The following XYLB variants were observed in gnomAD, a reference collection of about 807,000 sequenced individuals.
XYLB encodes the protein xylulokinase.
XYLB carries 62 observed loss-of-function variants against 78.7 expected under a neutral mutation model. The ratio of observed to expected loss-of-function variants is 0.79; its 90% confidence interval spans 0.64 to 0.97. The LOEUF (loss-of-function observed/expected upper bound fraction) is 0.97. Ranked by LOEUF, XYLB falls within the 50% of genes least tolerant of loss-of-function variation. XYLB has a pLI of 0.00. For synonymous variants in XYLB, 245 were observed against 247.4 expected (o/e 0.99, Z 0.09); for missense variants, 687 against 676.8 (o/e 1.02, Z -0.17).
chr3:38,375,259 G>C lies in XYLB; in HGVS notation c.1004G>C (p.Cys335Ser). The change falls in exon 12 of 19, where the codon TGC (cysteine) becomes TCC (serine). Residue 335 changes from cysteine (C) to serine (S), a missense_variant and splice_region_variant. By Grantham distance (112) the Cys-to-Ser change is moderately radical. Coordinates refer to ENST00000207870, the MANE Select transcript of XYLB (RefSeq NM_005108.4). ...TCCCAGCACTACATGGCACTCCTGT[G>C]GTGAGCTTGGGTGTTGGTTGGCACC... is the stretch of plus-strand genomic sequence containing the variant. Reference protein sequence around the residue: ...VDSQHYMALLCFKNGSLMREK... With the variant: ...VDSQHYMALLSFKNGSLMREK... The C allele has an allele frequency of 6.2e-7, 1 of 1,613,776 alleles. No individual in the cohort carries two copies. Among genetic ancestry groups the C allele is most frequent in the African/African-American group, 1.3e-5 (1 of 75,034 alleles).
chr3:38,410,742 A>G (rs1268013258), intron 18 of XYLB, among the ~76,000 whole-genome samples: 1 of 152,136 alleles, frequency 6.6e-6, no homozygotes, highest in Non-Finnish European at 1.5e-5. Flanking sequence ...ACACTTCTCA[A>G]AAGAAGACAT....
intron 9 of XYLB, among the ~76,000 whole-genome samples, chr3:38,372,154 G>A (rs759922312): frequency 4.6e-5 from 7 of 152,096 alleles, no homozygotes; most frequent in African/African-American, 9.7e-5. Context: ...TGCTCAGATA[G>A]CCCTCCCTGC....
intron 16 of XYLB, 122 bp from the exon 17 acceptor site, chr3:38,396,950 C>A: frequency 1.1e-6 from 1 of 940,302 alleles, no homozygotes; most frequent in Non-Finnish European, 1.7e-6. Flanking sequence ...TTAAGGCAGT[C>A]GAGGTGGAAT....
At chr3:38,438,490 G>GA in the XYLB span, among the ~76,000 whole-genome samples, 3 of 152,122 alleles carry the variant, frequency 2.0e-5, no homozygotes, top group African/African-American at 7.2e-5. Context: ...ATTGTTCACA[G>GA]AATTAGAAAA....
intron 7 of XYLB, 43 bp from the exon 8 acceptor site, chr3:38,368,142 T>G (rs756217958): frequency 1.3e-6 from 2 of 1,570,584 alleles, no homozygotes; most frequent in Non-Finnish European, 1.8e-6. Flanking sequence ...TAGCGTAGGG[T>G]ATGTGGAAGT....
At chr3:38,409,619 A>G (rs1430398451) in intron 18 of XYLB, among the ~76,000 whole-genome samples, 1 of 152,208 alleles carries the variant, frequency 6.6e-6, no homozygotes, top group Non-Finnish European at 1.5e-5. Flanking sequence ...AGATGACATG[A>G]TTGTATATCT....
In XYLB at chr3:38,412,846, C is replaced by A. The variant is rs565466108; in HGVS notation, c.1534-90C>A. 1.1e-5 allele frequency: 12 copies of A among 1,124,686 alleles called. No homozygotes were observed. In the African/African-American group the frequency reaches 1.8e-4, roughly 17 times the overall value. The allele number at this position is 1,124,686 out of a possible 1,614,324, so 69.7% of individuals were successfully genotyped here. The stretch of plus-strand genomic sequence containing the variant: ...GAAAAAAAGTTAAATTGCAAGTAAA[C>A]GGGATTTAAAAATTTTAAATTGCAA... On this transcript the variant is annotated intron_variant, in intron 18 of 18. Coordinates refer to ENST00000207870, the MANE Select transcript of XYLB (RefSeq NM_005108.4).
At chr3:38,392,703 T>C (rs1707719244) in intron 15 of XYLB, among the ~76,000 whole-genome samples, 1 of 152,236 alleles carries the variant, frequency 6.6e-6, no homozygotes, top group African/African-American at 2.4e-5. Context: ...CTTTCTCTTA[T>C]TGATTTGTAG....
the XYLB span, among the ~76,000 whole-genome samples, chr3:38,445,906 C>T: frequency 6.6e-5 from 10 of 152,272 alleles, no homozygotes; most frequent in South Asian, 2.1e-4. Flanking sequence ...CACTGCTTGA[C>T]GATAGTCCCT....
At chr3:38,443,121 C>T in the XYLB span, among the ~76,000 whole-genome samples, 1 of 152,182 alleles carries the variant, frequency 6.6e-6, no homozygotes, top group African/African-American at 2.4e-5. Flanking sequence ...CAGGCTGTCC[C>T]AGGATTCCTC....
At chr3:38,368,325 G>A (rs544012858) in intron 8 of XYLB, 68 bp downstream of exon 8, 7 of 1,466,784 alleles carry the variant, frequency 4.8e-6, no homozygotes, top group Non-Finnish European at 6.7e-6. Context: ...GCAAGCAGTG[G>A]GAGCCCCACC....
At chr3:38,383,111 CACTGAG>C (rs1176674874) in intron 15 of XYLB, among the ~76,000 whole-genome samples, 8 of 152,226 alleles carry the variant, frequency 5.3e-5, no homozygotes, top group African/African-American at 1.9e-4. Context: ...ATTTGTTGGG[CACTGAG>C]TGTGTGCCCG....
At chr3:38,436,877 G>T in the XYLB span, among the ~76,000 whole-genome samples, 1 of 151,698 alleles carries the variant, frequency 6.6e-6, no homozygotes, top group Non-Finnish European at 1.5e-5. Flanking sequence ...GATGGTGGGC[G>T]CCTGTAATCC....
intron 3 of XYLB, among the ~76,000 whole-genome samples, 157 bp from the exon 4 acceptor site, chr3:38,362,780 T>G (rs1243625094): frequency 1.3e-5 from 2 of 152,262 alleles, no homozygotes; most frequent in African/African-American, 2.4e-5. Context: ...GTTTAATTAA[T>G]GTACTCTAGT....
chr3:38,357,589 T>C (rs1262897459), intron 2 of XYLB, among the ~76,000 whole-genome samples: 2 of 152,198 alleles, frequency 1.3e-5, no homozygotes, highest in Non-Finnish European at 2.9e-5. Flanking sequence ...GGTTTCACCG[T>C]GTTAGCCAGG....
At chr3:38,427,806 G>C in the XYLB span, among the ~76,000 whole-genome samples, 1 of 152,084 alleles carries the variant, frequency 6.6e-6, no homozygotes, top group Admixed American at 6.6e-5. Flanking sequence ...TGGGCAGGCT[G>C]GTCTAGAACT....
chr3:38,423,707 C>T (rs111270533), downstream of XYLB, among the ~76,000 whole-genome samples: 1,626 of 152,214 alleles, frequency 0.011, 27 homozygotes, highest in African/African-American at 0.036. Context: ...TGAACCTACT[C>T]GTAAAAAATT....
intron 15 of XYLB, among the ~76,000 whole-genome samples, chr3:38,382,761 G>A (rs754136113): frequency 3.3e-5 from 5 of 152,198 alleles, no homozygotes; most frequent in Non-Finnish European, 5.9e-5. Context: ...AGGGCAAAAG[G>A]CCCCCATGGG....
At chr3:38,419,582 A>T (rs1175652786), downstream of XYLB, among the ~76,000 whole-genome samples, 4 of 110,722 alleles carry the variant, frequency 3.6e-5, no homozygotes, top group Non-Finnish European at 8.2e-5. Flanking sequence ...TTTTCTTTAT[A>T]TATATATATA....
Sources: gnomAD v4.1 joint callset for allele counts (sites outside exome capture counted in the v4.1 genomes callset) on GRCh38, gnomAD v4.1.1 for gene constraint, MANE v1.5 for transcripts, NCBI Gene and HGNC (gene_info 2026-07-23, HGNC 2026-07-21) for gene names.